Variants in DDX10 observed in about 807,000 individuals in gnomAD.
DDX10 encodes DEAD-box helicase 10, also known as probable ATP-dependent RNA helicase DDX10.
DDX10 carries 74 observed loss-of-function variants against 104.3 expected under a neutral mutation model. The ratio of observed to expected loss-of-function variants is 0.71; its 90% CI spans 0.59 to 0.86. DDX10 has a LOEUF of 0.86. Among genes scored for constraint, DDX10 ranks in the 40% least tolerant of loss-of-function variants. DDX10 has a pLI of 0.00. For synonymous variants in DDX10, 351 were observed against 353.4 expected (o/e 0.99, Z 0.08); for missense variants, 952 against 1,040.0 (o/e 0.92, Z 1.16).
chr11:108,687,276 C>G (rs1414628176), intron 6 of DDX10, among the ~76,000 whole-genome samples: 1 of 151,986 alleles, frequency 6.6e-6, no homozygotes, highest in Non-Finnish European at 1.5e-5. Flanking sequence ...TTAACTTTTG[C>G]CTGTTGACAT....
chr11:108,680,078 T>C (rs2094232548), intron 6 of DDX10, among the ~76,000 whole-genome samples: 2 of 152,232 alleles, frequency 1.3e-5, no homozygotes, highest in South Asian at 4.1e-4. Flanking sequence ...TGCATTAATA[T>C]TTAGCAAAAT....
Position 108,669,132 on chromosome 11 carries a change from C to T in DDX10, c.186+3793C>T, listed in dbSNP as rs1373235616. 7.3e-5 allele frequency among the ~76,000 whole-genome samples: 11 copies of T among 150,478 alleles called. No homozygotes were observed. In the East Asian group the frequency reaches 2.2e-3, roughly 29 times the overall value. On this transcript the variant is annotated intron_variant, in intron 1 of 17. Coordinates refer to ENST00000322536, the MANE Select transcript of DDX10 (RefSeq NM_004398.4). The stretch of plus-strand genomic sequence containing the variant: ...TTTTTAAGATGGAGTCTCACTCTAT[C>T]ACCCAGGCTAGAGTACAGTGGCACC...
At chr11:108,824,849 C>G (rs909605912) in intron 13 of DDX10, among the ~76,000 whole-genome samples, 20 of 152,026 alleles carry the variant, frequency 1.3e-4, no homozygotes, top group African/African-American at 4.8e-4. Flanking sequence ...GCGAACAGAA[C>G]AGTAAATGGC....
At chr11:108,838,643 C>G (rs973351213) in intron 14 of DDX10, 78 bp downstream of exon 14, 1 of 1,443,480 alleles carries the variant, frequency 6.9e-7, no homozygotes, top group Admixed American at 2.3e-5. Flanking sequence ...ACTTAGCACT[C>G]ATTAATGATA....
At chr11:108,890,830 G>C (rs2134639673) in intron 16 of DDX10, among the ~76,000 whole-genome samples, 1 of 152,232 alleles carries the variant, frequency 6.6e-6, no homozygotes, top group South Asian at 2.1e-4. Flanking sequence ...GCTGAAGGTT[G>C]AGACTAAGGA....
intron 13 of DDX10, among the ~76,000 whole-genome samples, chr11:108,745,254 A>G (rs181947513): frequency 9.3e-6 from 1 of 107,576 alleles, no homozygotes; most frequent in Non-Finnish European, 1.8e-5. Context: ...TTCCTTCTTT[A>G]CCTTCCTTTC....
chr11:108,762,973 C>G (rs552058175), intron 13 of DDX10, among the ~76,000 whole-genome samples: 2 of 152,198 alleles, frequency 1.3e-5, no homozygotes, highest in African/African-American at 2.4e-5. Context: ...TTTGAATTTC[C>G]CTATTATGCC....
At chr11:108,874,965 A>G (rs997624302) in intron 16 of DDX10, among the ~76,000 whole-genome samples, 11 of 152,330 alleles carry the variant, frequency 7.2e-5, no homozygotes, top group African/African-American at 2.6e-4. Flanking sequence ...CCCCATTTAT[A>G]TAATGAAGGT....
intron 16 of DDX10, among the ~76,000 whole-genome samples, chr11:108,880,619 G>C (rs866989459): frequency 6.6e-6 from 1 of 152,136 alleles, no homozygotes; most frequent in South Asian, 2.1e-4. Context: ...AAAATTGTAG[G>C]AGTTGATGTG....
intron 17 of DDX10, chr11:108,920,721 C>T (rs1344107150): frequency 6.6e-6 from 1 of 152,232 alleles, no homozygotes; most frequent in Non-Finnish European, 1.5e-5. Context: ...TTTGACTAAA[C>T]ACCTGGATCC....
At chr11:108,867,611 C>T (rs948774518) in intron 16 of DDX10, among the ~76,000 whole-genome samples, 1 of 152,146 alleles carries the variant, frequency 6.6e-6, no homozygotes, top group Non-Finnish European at 1.5e-5. Context: ...TGAGCAAGGC[C>T]CACACCCATA....
At position 108,894,044 on chromosome 11, in the gene DDX10, G is replaced by A. The variant is rs192945437; in HGVS notation, c.2305-23829G>A. On this transcript the variant is annotated intron_variant, in intron 16 of 17. Transcript: ENST00000322536. ...TGACTGCAGCAAACTGTAAAGGGAT[G>A]GAATAGAGAATTTCAGCACTTGAAG... is the stretch of plus-strand genomic sequence containing the variant. Among the ~76,000 whole-genome samples, 9 of 152,072 alleles carry A rather than the reference G, an allele frequency of 5.9e-5. No individual in the cohort carries two copies. The East Asian group carries it at 1.2e-3, about 20-fold the overall frequency.
chr11:108,848,557 C>G (rs1389209344), intron 15 of DDX10, among the ~76,000 whole-genome samples: 1 of 152,134 alleles, frequency 6.6e-6, no homozygotes, highest in Non-Finnish European at 1.5e-5. Flanking sequence ...GAACATTTGC[C>G]TATCATTTGG....
intron 17 of DDX10, chr11:108,919,663 T>C (rs1473598515): frequency 6.6e-6 from 1 of 152,256 alleles, no homozygotes; most frequent in Non-Finnish European, 1.5e-5. Context: ...ATATTTTGCA[T>C]ATCTATCTAA....
chr11:108,705,311 G>A (rs2094274299), intron 9 of DDX10, among the ~76,000 whole-genome samples: 2 of 152,132 alleles, frequency 1.3e-5, no homozygotes, highest in African/African-American at 2.4e-5. Flanking sequence ...CCGGCTGCAT[G>A]GATGGTTTAG....
chr11:108,878,737 G>C (rs1411116443), intron 16 of DDX10, among the ~76,000 whole-genome samples: 1 of 151,474 alleles, frequency 6.6e-6, no homozygotes, highest in Non-Finnish European at 1.5e-5. Context: ...TCATTTGGTT[G>C]CCAAGGCCAT....
At chr11:108,816,555 C>CT (rs35878699) in intron 13 of DDX10, among the ~76,000 whole-genome samples, 65,915 of 137,346 alleles carry the variant, frequency 0.48, 18,737 homozygotes, top group Non-Finnish European at 0.64. Context: ...TAAAAATAGC[C>CT]TTTTTTTTTT....
intron 16 of DDX10, among the ~76,000 whole-genome samples, chr11:108,858,486 G>A (rs913435109): frequency 5.3e-5 from 8 of 152,112 alleles, no homozygotes; most frequent in Admixed American, 3.3e-4. Context: ...GTCTAGCACC[G>A]GGGCCTGCAG....
chr11:108,801,905 G>T (rs1365969236), intron 13 of DDX10, among the ~76,000 whole-genome samples: 1 of 151,576 alleles, frequency 6.6e-6, no homozygotes, highest in Non-Finnish European at 1.5e-5. Context: ...ATTGGAAAAA[G>T]AAAAATATAG....
Sources: gnomAD v4.1 joint callset for allele counts (sites outside exome capture counted in the v4.1 genomes callset) on GRCh38, gnomAD v4.1.1 for gene constraint, MANE v1.5 for transcripts, NCBI Gene and HGNC (gene_info 2026-07-23, HGNC 2026-07-21) for gene names.